Variants in RORA observed in about 807,000 individuals in gnomAD.
The protein encoded by RORA is RAR related orphan receptor A.
Under a neutral mutation model 69.5 loss-of-function variants are expected in RORA, and 7 were observed. That is an observed-to-expected ratio of 0.10 (90% CI 0.06 to 0.19). RORA has a LOEUF of 0.19. RORA is among the 10% of genes least tolerant of loss of function. The pLI, the probability that RORA is intolerant of heterozygous loss-of-function variation, is 1.00. For missense variants in RORA, 457 were observed against 663.0 expected (o/e 0.69, Z 3.41); for synonymous variants, 261 against 240.8 (o/e 1.08, Z -0.78).
At chr15:60,823,343 C>T (rs2072918864) in intron 1 of RORA, among the ~76,000 whole-genome samples, 1 of 152,178 alleles carries the variant, frequency 6.6e-6, no homozygotes, top group African/African-American at 2.4e-5. Flanking sequence ...GTGTAAGCCA[C>T]CACAGGCTTT....
rs1427352507 is a variant in RORA, at chr15:61,110,906, A to C, written c.166+118147T>G. ...CTCCCCATGGATATGGCGCTCCTGG[A>C]CTTGTGCAATAACTGTCAGCTACAT... is the stretch of plus-strand genomic sequence containing the variant. On this transcript the variant is annotated intron_variant, in intron 1 of 10. Coordinates refer to ENST00000335670, the MANE Select transcript of RORA (RefSeq NM_134261.3). 2.0e-5 allele frequency among the ~76,000 whole-genome samples: 3 copies of C among 152,310 alleles called. No homozygotes were observed. In the East Asian group the frequency reaches 5.8e-4, roughly 29 times the overall value.
chr15:60,773,142 G>C (rs1032519380), intron 1 of RORA, among the ~76,000 whole-genome samples: 1 of 152,194 alleles, frequency 6.6e-6, no homozygotes, highest in African/African-American at 2.4e-5. Context: ...TGAAGGTTGT[G>C]AGGATGAAGC....
chr15:60,568,863 G>A (rs2067790010), intron 2 of RORA, among the ~76,000 whole-genome samples: 1 of 151,264 alleles, frequency 6.6e-6, no homozygotes, highest in Non-Finnish European at 1.5e-5. Context: ...GGGAGTTGTT[G>A]ATGACAAAGT....
chr15:60,815,650 A>T (rs996717682), intron 1 of RORA, among the ~76,000 whole-genome samples: 1 of 120,096 alleles, frequency 8.3e-6, no homozygotes, highest in African/African-American at 3.3e-5. Context: ...ACCATTGCCC[A>T]CCCTCCCTGC....
At chr15:60,585,175 T>C (rs541816909) in intron 2 of RORA, among the ~76,000 whole-genome samples, 3 of 152,304 alleles carry the variant, frequency 2.0e-5, no homozygotes, top group Non-Finnish European at 4.4e-5. Context: ...TTTAAGCAAA[T>C]AGGAAGATCT....
intron 1 of RORA, among the ~76,000 whole-genome samples, chr15:60,706,531 A>G (rs1189594667): frequency 6.6e-5 from 10 of 152,208 alleles, no homozygotes; most frequent in Non-Finnish European, 1.3e-4. Flanking sequence ...AATAGGAGAT[A>G]CACTACAAGT....
At chr15:61,161,182 C>T (rs1596036644) in intron 1 of RORA, among the ~76,000 whole-genome samples, 2 of 152,110 alleles carry the variant, frequency 1.3e-5, no homozygotes, top group Admixed American at 1.3e-4. Flanking sequence ...GATTGTGGAT[C>T]CCATATGAAG....
At chr15:61,031,846 A>G (rs1896187091) in intron 1 of RORA, among the ~76,000 whole-genome samples, 1 of 152,236 alleles carries the variant, frequency 6.6e-6, no homozygotes. Context: ...GACTCTTCTT[A>G]TGCAAAAGAC....
At chr15:61,125,868 A>T (rs1262926060) in intron 1 of RORA, among the ~76,000 whole-genome samples, 1 of 152,244 alleles carries the variant, frequency 6.6e-6, no homozygotes, top group Non-Finnish European at 1.5e-5. Context: ...AAGGTAGTGA[A>T]AAACCATCAC....
chr15:60,789,905 G>C (rs1012000894), intron 1 of RORA, among the ~76,000 whole-genome samples: 1 of 152,150 alleles, frequency 6.6e-6, no homozygotes, highest in Non-Finnish European at 1.5e-5. Flanking sequence ...CTACTTTGGG[G>C]TGCCCAGTCT....
chr15:60,590,705 T>TG (rs1392209381), intron 2 of RORA, among the ~76,000 whole-genome samples: 3 of 149,068 alleles, frequency 2.0e-5, no homozygotes, highest in African/African-American at 7.4e-5. Flanking sequence ...TTTGGGGGGG[T>TG]GGGGGAGAAT....
chr15:60,806,441 G>A (rs1348384995), intron 1 of RORA, among the ~76,000 whole-genome samples: 5 of 152,120 alleles, frequency 3.3e-5, no homozygotes, highest in Admixed American at 2.6e-4. Context: ...CATGCCTTCC[G>A]GAATGCCACT....
chr15:60,515,983 ATATATATTTATATATATT>A (rs2065876461), intron 3 of RORA, among the ~76,000 whole-genome samples: 1 of 7,428 alleles, frequency 1.3e-4, no homozygotes, highest in Non-Finnish European at 3.1e-4. Context: ...TTATATATTT[ATATATATTTATATATATT>A]TATATATATT....
intron 1 of RORA, among the ~76,000 whole-genome samples, chr15:60,684,630 A>C (rs535906464): frequency 6.6e-6 from 1 of 152,212 alleles, no homozygotes; most frequent in African/African-American, 2.4e-5. Context: ...CAAACAAACA[A>C]ACCACTCAAA....
chr15:60,597,561 T>C (rs1567115207), intron 2 of RORA, among the ~76,000 whole-genome samples: 15 of 34,854 alleles, frequency 4.3e-4, no homozygotes, highest in African/African-American at 2.0e-3. Context: ...CATATATATA[T>C]ATATATATAT....
chr15:60,832,973 C>T (rs1249098138), intron 1 of RORA, among the ~76,000 whole-genome samples: 7 of 148,850 alleles, frequency 4.7e-5, no homozygotes, highest in African/African-American at 1.5e-4. Flanking sequence ...GGCGTGATCT[C>T]GGCTCACTGC....
At chr15:60,607,646 A>G (rs1311870912) in intron 2 of RORA, among the ~76,000 whole-genome samples, 6 of 152,210 alleles carry the variant, frequency 3.9e-5, no homozygotes, top group Non-Finnish European at 7.3e-5. Context: ...AATAAAGTAA[A>G]AACTCTTCAA....
chr15:61,145,051 C>G (rs532961503), intron 1 of RORA, among the ~76,000 whole-genome samples: 49 of 152,190 alleles, frequency 3.2e-4, no homozygotes, highest in Non-Finnish European at 5.1e-4. Flanking sequence ...CTAAAAGAAG[C>G]CTTTTTTTGT....
chr15:60,845,935 C>T (rs771678539), intron 1 of RORA, among the ~76,000 whole-genome samples: 6 of 152,130 alleles, frequency 3.9e-5, no homozygotes, highest in Non-Finnish European at 7.3e-5. Context: ...TTAGTAGAGA[C>T]GGGGTTTCAC....
Sources: gnomAD v4.1 joint callset for allele counts (sites outside exome capture counted in the v4.1 genomes callset) on GRCh38, gnomAD v4.1.1 for gene constraint, MANE v1.5 for transcripts, NCBI Gene and HGNC (gene_info 2026-07-23, HGNC 2026-07-21) for gene names.